Variants in DMD observed in about 807,000 individuals in gnomAD.
DMD encodes the protein mutant dystrophin.
Under a neutral mutation model 330.1 loss-of-function variants are expected in DMD, and 63 were observed. The observed-to-expected ratio is 0.19, with a 90% CI of 0.16 to 0.24. The LOEUF is 0.24. DMD is among the 10% of genes least tolerant of loss of function. The pLI is 1.00. For synonymous variants in DMD, 1,223 were observed against 959.8 expected, an observed-to-expected ratio of 1.27 and a Z score of -5.07; for missense variants, 3,344 against 2,684.1, an observed-to-expected ratio of 1.25 and a Z score of -5.43.
rs1309738535 is a variant in DMD, at chrX:31,875,159, A to G, written c.7098+29T>C. On this transcript the variant is annotated intron_variant, in intron 48 of 78. Coordinates refer to ENST00000357033, the MANE Select transcript of DMD (RefSeq NM_004006.3). The stretch of plus-strand genomic sequence containing the variant: ...TATTGCCATTTTTCTTAAAAAAGAC[A>G]AAAATATTTAAAGCAAAAAGTTCCC... 3 of 1,167,797 alleles carry G rather than the reference A, an allele frequency of 2.6e-6. No individual in the cohort carries two copies. In the Middle Eastern group the frequency reaches 7.6e-4, roughly 298 times the overall value.
intron 1 of DMD, among the ~76,000 whole-genome samples, chrX:33,268,801 T>G (rs1034458823): frequency 9.3e-6 from 1 of 107,341 alleles, no homozygotes; most frequent in South Asian, 4.1e-4. Flanking sequence ...GTGGTACACA[T>G]CTGTAATCCC....
At chrX:32,623,735 C>G (rs909150353) in intron 11 of DMD, among the ~76,000 whole-genome samples, 5 of 110,329 alleles carry the variant, frequency 4.5e-5, no homozygotes, top group Non-Finnish European at 7.6e-5. Flanking sequence ...CTATGTTGCC[C>G]AGGCTAGTCT....
intron 17 of DMD, among the ~76,000 whole-genome samples, chrX:32,532,221 T>A (rs935139456): frequency 2.7e-5 from 3 of 111,692 alleles, no homozygotes; most frequent in African/African-American, 9.8e-5. Context: ...ATCTTTTCAG[T>A]GAAAAAGGTC....
At chrX:33,191,005 T>TA (rs1368431940) in intron 1 of DMD, among the ~76,000 whole-genome samples, 2 of 914 alleles carry the variant, frequency 2.2e-3, no homozygotes, top group South Asian at 0.04. Flanking sequence ...ATATATAATA[T>TA]TATATATATA....
intron 9 of DMD, among the ~76,000 whole-genome samples, chrX:32,680,292 A>T (rs186877206): frequency 9.0e-6 from 1 of 111,399 alleles, no homozygotes; most frequent in Non-Finnish European, 1.9e-5. Flanking sequence ...TATTTTTCTA[A>T]TATTTAACGT....
At chrX:32,416,726 G>A (rs1376714989) in intron 29 of DMD, among the ~76,000 whole-genome samples, 1 of 111,546 alleles carries the variant, frequency 9.0e-6, no homozygotes, top group African/African-American at 3.3e-5. Flanking sequence ...TGCAAGAGAT[G>A]TGCTAAAACC....
Position 31,774,574 on chromosome X carries a change from AT to A in DMD, c.7310-383del, listed in dbSNP as rs758192205. On this transcript the variant is annotated intron_variant, in intron 50 of 78. Transcript: ENST00000357033. Reference sequence around the variant, plus strand: ...CTTGCCAGGGAAATAAATTTTACTTATTTTTTTTTTATTCAAGAAAAAACAA... The same window carrying A: ...CTTGCCAGGGAAATAAATTTTACTTATTTTTTTTTATTCAAGAAAAAACAA... Among the ~76,000 whole-genome samples the A allele has an allele frequency of 2.7e-3, 294 of 107,945 alleles. 1 individual carries two copies. Among genetic ancestry groups the A allele is most frequent in the African/African-American group, 8.3e-3 (247 of 29,814 alleles). 93.7% of individuals were successfully genotyped at this position (107,945 alleles called of 115,157 possible). A position where few individuals can be genotyped will look rare whatever the true frequency, so the allele number is the denominator to read the frequency against.
At chrX:31,751,846 C>T (rs1212233202) in intron 51 of DMD, among the ~76,000 whole-genome samples, 2 of 112,266 alleles carry the variant, frequency 1.8e-5, no homozygotes, top group African/African-American at 3.2e-5. Context: ...TATTATCTTA[C>T]AATTTTGGAG....
At chrX:32,600,244 T>A (rs1271079939) in intron 12 of DMD, among the ~76,000 whole-genome samples, 1 of 111,958 alleles carries the variant, frequency 8.9e-6, no homozygotes, top group Non-Finnish European at 1.9e-5. Context: ...TATTTTACCC[T>A]TTCTTAGAAC....
chrX:33,312,630 T>C (rs746322916), intron 1 of DMD, among the ~76,000 whole-genome samples: 71 of 112,071 alleles, frequency 6.3e-4, no homozygotes, highest in African/African-American at 2.3e-3. Context: ...GAACACTGAA[T>C]TAGTGAATAC....
intron 43 of DMD, among the ~76,000 whole-genome samples, chrX:32,264,524 T>G (rs759563358): frequency 9.0e-6 from 1 of 111,443 alleles, no homozygotes; most frequent in African/African-American, 3.3e-5. Flanking sequence ...CAGGAAAGTA[T>G]GGGAAACTCT....
At chrX:31,559,640 C>CAA (rs1167550498) in intron 55 of DMD, among the ~76,000 whole-genome samples, 504 of 21,221 alleles carry the variant, frequency 0.024, 61 homozygotes, top group Middle Eastern at 0.053. Context: ...AACTCCGTCT[C>CAA]AAAAAAAAAA....
At chrX:32,793,566 TA>T (rs755140160) in intron 7 of DMD, among the ~76,000 whole-genome samples, 50 of 109,869 alleles carry the variant, frequency 4.6e-4, no homozygotes, top group Admixed American at 1.6e-3. Flanking sequence ...CTCAAAATCA[TA>T]AATGAAGACG....
intron 27 of DMD, among the ~76,000 whole-genome samples, chrX:32,446,766 T>A (rs2098306766): frequency 9.0e-6 from 1 of 110,581 alleles, no homozygotes; most frequent in South Asian, 3.8e-4. Flanking sequence ...AGTTAAACTA[T>A]GCTAATGTTT....
At chrX:31,241,568 A>G (rs2048291808) in intron 63 of DMD, among the ~76,000 whole-genome samples, 1 of 111,522 alleles carries the variant, frequency 9.0e-6, no homozygotes, top group Non-Finnish European at 1.9e-5. Flanking sequence ...TGGTATCACC[A>G]TTCTCTGTGT....
chrX:32,815,658 A>G (rs1450067275), intron 6 of DMD, among the ~76,000 whole-genome samples: 2 of 108,551 alleles, frequency 1.8e-5, no homozygotes, highest in Admixed American at 1.0e-4. Flanking sequence ...TTTTTCTTGA[A>G]CTGTTATTAA....
chrX:31,722,039 C>G (rs2085604002), intron 52 of DMD, among the ~76,000 whole-genome samples: 1 of 110,459 alleles, frequency 9.1e-6, no homozygotes, highest in African/African-American at 3.3e-5. Flanking sequence ...GGATGTGTGA[C>G]AGATATTATG....
At chrX:32,094,480 T>G (rs752411981) in intron 44 of DMD, among the ~76,000 whole-genome samples, 18 of 111,884 alleles carry the variant, frequency 1.6e-4, no homozygotes, top group Non-Finnish European at 3.0e-4. Context: ...GCCAAAATGT[T>G]TAGTTATTTT....
At chrX:31,786,355 T>C (rs183080418) in intron 50 of DMD, among the ~76,000 whole-genome samples, 4 of 111,966 alleles carry the variant, frequency 3.6e-5, no homozygotes, top group Admixed American at 9.5e-5. Flanking sequence ...AGGGAATTCA[T>C]AGACCAGGTG....
Sources: gnomAD v4.1 joint callset for allele counts (sites outside exome capture counted in the v4.1 genomes callset) on GRCh38, gnomAD v4.1.1 for gene constraint, MANE v1.5 for transcripts, NCBI Gene and HGNC (gene_info 2026-07-23, HGNC 2026-07-21) for gene names.